Variants in GABRB1 observed in about 807,000 individuals in gnomAD.
GABRB1 encodes the protein gamma-aminobutyric acid type A receptor subunit beta1.
GABRB1 carries 17 observed loss-of-function variants against 51.6 expected under a neutral mutation model. The ratio of observed to expected loss-of-function variants is 0.33; its 90% CI spans 0.23 to 0.49. The LOEUF is 0.49. Among genes scored for constraint, GABRB1 ranks in the 20% least tolerant of loss-of-function variants. GABRB1 has a pLI of 0.99. For synonymous variants in GABRB1, 247 were observed against 218.9 expected (o/e 1.13, Z -1.14); for missense variants, 410 against 600.6 (o/e 0.68, Z 3.32).
intron 3 of GABRB1, among the ~76,000 whole-genome samples, chr4:47,149,545 T>C (rs1717333135): frequency 6.6e-6 from 1 of 152,004 alleles, no homozygotes; most frequent in Admixed American, 6.6e-5. Context: ...TAATGCCACA[T>C]GTCATTATTA....
At chr4:47,148,849 A>G (rs1214577996) in intron 3 of GABRB1, among the ~76,000 whole-genome samples, 2 of 151,914 alleles carry the variant, frequency 1.3e-5, no homozygotes, top group Non-Finnish European at 2.9e-5. Context: ...CTACCCACGA[A>G]CTGAATGTTA....
At chr4:47,193,264 AG>A (rs1324579932) in intron 4 of GABRB1, among the ~76,000 whole-genome samples, 1 of 152,200 alleles carries the variant, frequency 6.6e-6, no homozygotes, top group Non-Finnish European at 1.5e-5. Flanking sequence ...CTGGGATTAC[AG>A]GCATGCGCCA....
chr4:47,403,910 C>T (rs1192679343), intron 7 of GABRB1, among the ~76,000 whole-genome samples, 199 bp downstream of exon 7: 1 of 152,120 alleles, frequency 6.6e-6, no homozygotes, highest in African/African-American at 2.4e-5. Context: ...TAGCATTTTA[C>T]CAAAACAAAC....
chr4:47,208,547 A>G (rs1401468269), intron 4 of GABRB1, among the ~76,000 whole-genome samples: 2 of 152,120 alleles, frequency 1.3e-5, no homozygotes, highest in Non-Finnish European at 2.9e-5. Flanking sequence ...ATACCAAAAA[A>G]CATTGAATTG....
rs1386147625 is a variant in GABRB1, at chr4:47,243,388, A to G, written c.462-76739A>G. Among the ~76,000 whole-genome samples the G allele has an allele frequency of 3.9e-5, 6 of 152,150 alleles. No individual in the cohort carries two copies. In the South Asian group the frequency reaches 6.2e-4, roughly 16 times the overall value. ...GATGCGGGCTCTTTTTTGGTTCCAT[A>G]TGAACTTTAAAGTAGTTTTTTCCAA... On this transcript the variant is annotated intron_variant, in intron 4 of 8. Transcript: ENST00000295454.
chr4:47,212,010 C>T (rs1720376324), intron 4 of GABRB1, among the ~76,000 whole-genome samples: 1 of 152,084 alleles, frequency 6.6e-6, no homozygotes, highest in African/African-American at 2.4e-5. Flanking sequence ...GTAACATTCA[C>T]AGGTTCTGAG....
intron 5 of GABRB1, among the ~76,000 whole-genome samples, chr4:47,332,122 T>C (rs1027506899): frequency 3.9e-5 from 6 of 152,348 alleles, no homozygotes; most frequent in African/African-American, 1.4e-4. Context: ...AAGTAGGCTT[T>C]ATTTTTGACA....
At chr4:47,411,081 T>C (rs1385845625) in intron 8 of GABRB1, among the ~76,000 whole-genome samples, 2 of 152,108 alleles carry the variant, frequency 1.3e-5, no homozygotes, top group Admixed American at 1.3e-4. Flanking sequence ...TTACTAGACA[T>C]AAGAAGAAAC....
chr4:47,425,511 T>TCG (rs1560380560), intron 8 of GABRB1, among the ~76,000 whole-genome samples, 163 bp from the exon 9 acceptor site: 1 of 151,094 alleles, frequency 6.6e-6, no homozygotes, highest in African/African-American at 2.4e-5. Flanking sequence ...GATAGATAGA[T>TCG]AGATAGATCG....
At chr4:47,150,182 AACACACACACACACACACACACAC>A (rs36209473) in intron 3 of GABRB1, among the ~76,000 whole-genome samples, 2 of 141,510 alleles carry the variant, frequency 1.4e-5, no homozygotes. Flanking sequence ...ACACACACAC[AACACACACACACACACACACACAC>A]ACACACACAC....
chr4:47,199,368 T>G (rs1472701131), intron 4 of GABRB1, among the ~76,000 whole-genome samples: 1 of 152,124 alleles, frequency 6.6e-6, no homozygotes, highest in Non-Finnish European at 1.5e-5. Context: ...GAGGCCTTTT[T>G]GAATATATGA....
intron 3 of GABRB1, among the ~76,000 whole-genome samples, chr4:47,123,900 TATATTATATATTA>T (rs1428842790): frequency 3.5e-5 from 2 of 57,454 alleles, no homozygotes; most frequent in African/African-American, 4.6e-5. Context: ...TAATATATAA[TATATTATATATTA>T]ATATATGATA....
intron 5 of GABRB1, among the ~76,000 whole-genome samples, chr4:47,322,129 G>A (rs892425920): frequency 5.9e-5 from 9 of 152,104 alleles, no homozygotes; most frequent in Admixed American, 5.9e-4. Context: ...TGTGGGGAAG[G>A]GATGAGGGAA....
intron 4 of GABRB1, among the ~76,000 whole-genome samples, chr4:47,217,084 G>A (rs576204205): frequency 4.0e-5 from 6 of 151,864 alleles, no homozygotes; most frequent in Non-Finnish European, 8.8e-5. Context: ...ATAATAAATA[G>A]GCAAGACATA....
At chr4:47,416,579 G>C (rs2110063917) in intron 8 of GABRB1, among the ~76,000 whole-genome samples, 1 of 151,768 alleles carries the variant, frequency 6.6e-6, no homozygotes, top group East Asian at 1.9e-4. Flanking sequence ...GCCTCCCTGA[G>C]TAGCTGGGAC....
At chr4:47,364,262 A>C (rs888619614) in intron 5 of GABRB1, among the ~76,000 whole-genome samples, 27 of 152,334 alleles carry the variant, frequency 1.8e-4, no homozygotes, top group African/African-American at 6.0e-4. Flanking sequence ...ATAATTAAAA[A>C]GTGGAAGGAC....
intron 3 of GABRB1, among the ~76,000 whole-genome samples, chr4:47,059,978 T>G (rs1436934098): frequency 6.6e-6 from 1 of 152,198 alleles, no homozygotes; most frequent in Non-Finnish European, 1.5e-5. Context: ...CTGTCAGTGG[T>G]ACTATGCAAG....
intron 5 of GABRB1, 123 bp downstream of exon 5, chr4:47,320,332 A>G (rs1725033397): frequency 1.4e-6 from 1 of 708,958 alleles, no homozygotes; most frequent in Non-Finnish European, 2.5e-6. Context: ...AAGTTTTCAA[A>G]GGGTTTATAT....
chr4:47,190,952 A>C, intron 4 of GABRB1, among the ~76,000 whole-genome samples: 1 of 152,136 alleles, frequency 6.6e-6, no homozygotes, highest in South Asian at 2.1e-4. Flanking sequence ...TGTACATGTA[A>C]TTTTTCCTCA....
Sources: allele counts gnomAD v4.1 joint callset (sites outside exome capture counted in the v4.1 genomes callset), GRCh38; gene constraint gnomAD v4.1.1; transcripts MANE v1.5; gene names NCBI Gene and HGNC (gene_info 2026-07-23, HGNC 2026-07-21).